The following PEX7 variants were observed in gnomAD, a reference collection of about 807,000 sequenced individuals.
PEX7 encodes peroxisomal biogenesis factor 7.
PEX7 carries 34 observed loss-of-function variants against 47.5 expected under a neutral mutation model. That is an observed-to-expected ratio of 0.72 (90% CI 0.54 to 0.95). The LOEUF is 0.95. Among genes scored for constraint, PEX7 ranks in the 40% least tolerant of loss-of-function variants. The pLI, the probability that PEX7 is intolerant of heterozygous loss-of-function variation, is 0.00. For synonymous variants in PEX7, 141 were observed against 148.8 expected (o/e 0.95, Z 0.38); for missense variants, 394 against 400.3 (o/e 0.98, Z 0.13).
intron 7 of PEX7, chr6:136,870,773 T>A (rs775143582): frequency 5.1e-5 from 21 of 410,832 alleles, no homozygotes; most frequent in South Asian, 3.4e-4. Flanking sequence ...CTCAGCTCAC[T>A]GCAACCTCTG....
At chr6:136,846,535 A>T (rs1426595918) in intron 5 of PEX7, among the ~76,000 whole-genome samples, 3 of 149,810 alleles carry the variant, frequency 2.0e-5, no homozygotes, top group Non-Finnish European at 4.4e-5. Context: ...GATGTTCCCC[A>T]TCCTGTGTCC....
In PEX7 at chr6:136,823,013, A is replaced by G. The variant is rs866674099; in HGVS notation, c.130+218A>G. 5 of 985,428 alleles carry G rather than the reference A, an allele frequency of 5.1e-6. No individual in the cohort carries two copies. In the African/African-American group the frequency reaches 5.2e-5, roughly 10 times the overall value. 61.0% of individuals were successfully genotyped at this position (985,428 alleles called of 1,614,324 possible). ...GGAGTCGATCTTCCAGTTGTGTGCA[A>G]GTGCATATACGTGTAGCCTAGTAGC... is the stretch of plus-strand genomic sequence containing the variant. On this transcript the variant is annotated intron_variant, in intron 1 of 9. Coordinates refer to ENST00000318471, the MANE Select transcript of PEX7 (RefSeq NM_000288.4).
At chr6:136,872,837 A>G (rs1022570749) in intron 8 of PEX7, among the ~76,000 whole-genome samples, 3 of 152,010 alleles carry the variant, frequency 2.0e-5, no homozygotes, top group African/African-American at 7.2e-5. Flanking sequence ...TTCACAATAT[A>G]TTTTCTTATG....
rs116347285 is a variant in PEX7, at chr6:136,874,400, A to T, written c.803+2147A>T. On this transcript the variant is annotated intron_variant, in intron 8 of 9. Transcript: ENST00000318471. ...AGGTGTCTGTAAAGTGGGTGGACAC[A>T]GTGGCTCATGCCTGTATTCCCAGCA... 8.3e-3 allele frequency among the ~76,000 whole-genome samples: 1,260 copies of T among 152,292 alleles called. 23 individuals carry two copies. Among genetic ancestry groups the T allele is most frequent in the African/African-American group, 0.027 (1,142 of 41,562 alleles).
At chr6:136,867,912 C>T (rs538033424) in intron 6 of PEX7, among the ~76,000 whole-genome samples, 47 of 152,324 alleles carry the variant, frequency 3.1e-4, no homozygotes, top group Admixed American at 9.8e-4. Context: ...CAGTAATGTT[C>T]TAGGCCTTTC....
rs386408726 is a variant in PEX7, at chr6:136,860,409, CT to C, written c.527-6197del. 5.9e-3 allele frequency among the ~76,000 whole-genome samples: 676 copies of C among 113,934 alleles called. 7 individuals carry two copies. Among genetic ancestry groups the C allele is most frequent in the African/African-American group, 0.017 (513 of 29,330 alleles). The allele number at this position is 113,934 out of a possible 152,430, so 74.7% of individuals were successfully genotyped here. A position where few individuals can be genotyped will look rare whatever the true frequency, so the allele number is the denominator to read the frequency against. On this transcript the variant is annotated intron_variant, in intron 5 of 9. Transcript: ENST00000318471. Reference sequence around the variant, plus strand: ...AGAGGGGACAGCTCAAGCCATGGCTCTTTTTTTTTTTTTTTTTTTTTAAATA... The same window carrying C: ...AGAGGGGACAGCTCAAGCCATGGCTCTTTTTTTTTTTTTTTTTTTTAAATA...
At chr6:136,853,762 A>G (rs991549254) in intron 5 of PEX7, among the ~76,000 whole-genome samples, 5 of 152,214 alleles carry the variant, frequency 3.3e-5, no homozygotes, top group African/African-American at 1.2e-4. Context: ...TTGAGATCCT[A>G]ATAATGAATA....
chr6:136,906,375 G>A (rs1775845369), intron 9 of PEX7, among the ~76,000 whole-genome samples: 1 of 152,088 alleles, frequency 6.6e-6, no homozygotes, highest in Non-Finnish European at 1.5e-5. Context: ...AGAGTCCAAT[G>A]AGAAAGTCAG....
intron 5 of PEX7, among the ~76,000 whole-genome samples, chr6:136,849,350 C>T (rs1053088985): frequency 1.4e-4 from 22 of 152,084 alleles, no homozygotes; most frequent in African/African-American, 5.1e-4. Flanking sequence ...GTCTCTATCT[C>T]CTTCAGTTCT....
At chr6:136,872,090 C>G in intron 7 of PEX7, 108 bp from the exon 8 acceptor site, 1 of 980,184 alleles carries the variant, frequency 1.0e-6, no homozygotes, top group Non-Finnish European at 1.5e-6. Flanking sequence ...AGTGACAGCT[C>G]TGACTCAACT....
At chr6:136,825,164 T>C in intron 1 of PEX7, 50 bp from the exon 2 acceptor site, 7 of 1,455,520 alleles carry the variant, frequency 4.8e-6, no homozygotes, top group South Asian at 1.1e-5. Flanking sequence ...TGACTTTCGA[T>C]GTTACCCTGG....
intron 7 of PEX7, among the ~76,000 whole-genome samples, chr6:136,871,244 A>G (rs535427034): frequency 1.1e-4 from 17 of 152,326 alleles, no homozygotes; most frequent in African/African-American, 4.1e-4. Flanking sequence ...TAACTATTAA[A>G]GTGCGATAAG....
Position 136,870,003 on chromosome 6 carries a change from A to G in PEX7, c.747A>G (p.Lys249=). Reference sequence around the variant, plus strand: ...ATACCTATGCTATTAGGAGGGTGAAAGTAAGTTTTCATCTTTTCTTTTATA... The same window carrying G: ...ATACCTATGCTATTAGGAGGGTGAAGGTAAGTTTTCATCTTTTCTTTTATA... ...LGHTYAIRRV[K]FSPFHASVLA... The change falls in exon 7 of 10, where the codon AAA becomes AAG. Residue 249 remains lysine, a splice_region_variant and synonymous_variant. Transcript: ENST00000318471. The G allele has an allele frequency of 6.4e-7, 1 of 1,569,482 alleles. No homozygotes were observed. The highest frequency in any genetic ancestry group is 1.1e-5 in the South Asian group (1 of 89,566).
intron 7 of PEX7, among the ~76,000 whole-genome samples, chr6:136,871,963 G>T (rs1255061387): frequency 6.7e-6 from 1 of 149,354 alleles, no homozygotes; most frequent in Non-Finnish European, 1.5e-5. Flanking sequence ...TAAAAAGCTT[G>T]AGGGATAATT....
At chr6:136,823,457 C>T in intron 1 of PEX7, 4 of 631,216 alleles carry the variant, frequency 6.3e-6, no homozygotes, top group Non-Finnish European at 7.9e-6. Flanking sequence ...GCTCAGGAGG[C>T]TGAGGCGGGA....
chr6:136,830,771 T>G lies in PEX7; in HGVS notation c.339+4302T>G, dbSNP rs554680077. ...GACATAAATCAATGTAATATATTAA[T>G]TTCTAATTTTCAGACTAATGAGTTG... On this transcript the variant is annotated intron_variant, in intron 3 of 9. Transcript: ENST00000318471. Among the ~76,000 whole-genome samples, 130 of 152,310 alleles carry G rather than the reference T, an allele frequency of 8.5e-4. 1 individual carries two copies. The Middle Eastern group carries it at 0.01, about 12-fold the overall frequency.
intron 5 of PEX7, among the ~76,000 whole-genome samples, chr6:136,849,528 GTC>G (rs1774696898): frequency 6.6e-6 from 1 of 152,124 alleles, no homozygotes; most frequent in Non-Finnish European, 1.5e-5. Context: ...CTTTAAATGT[GTC>G]CCAGAGATTC....
At chr6:136,882,934 T>C (rs879785193) in intron 8 of PEX7, among the ~76,000 whole-genome samples, 3 of 152,206 alleles carry the variant, frequency 2.0e-5, no homozygotes, top group Non-Finnish European at 4.4e-5. Context: ...CAGCGTACTC[T>C]GTGTTGGAGG....
intron 5 of PEX7, among the ~76,000 whole-genome samples, chr6:136,858,244 T>G (rs1422598651): frequency 6.6e-6 from 1 of 152,206 alleles, no homozygotes; most frequent in Non-Finnish European, 1.5e-5. Flanking sequence ...AGCTGCTGCC[T>G]TATGGACAAG....
Sources: gnomAD v4.1 joint callset for allele counts (sites outside exome capture counted in the v4.1 genomes callset) on GRCh38, gnomAD v4.1.1 for gene constraint, MANE v1.5 for transcripts, NCBI Gene and HGNC (gene_info 2026-07-23, HGNC 2026-07-21) for gene names.